PTPN5: variants seen among roughly 807,000 people sequenced by gnomAD.
The protein encoded by PTPN5 is protein tyrosine phosphatase non-receptor type 5, also known as tyrosine-protein phosphatase non-receptor type 5.
In PTPN5, 29 loss-of-function variants were observed where a neutral mutation model predicts 73.9. That is an observed-to-expected ratio of 0.39 (90% CI 0.29 to 0.54). The LOEUF (loss-of-function observed/expected upper bound fraction) is 0.54, where lower values mean the gene tolerates loss of function less well. Among genes scored for constraint, PTPN5 ranks in the 20% least tolerant of loss-of-function variants. The pLI is 0.65. For synonymous variants in PTPN5, 267 were observed against 304.7 expected, an observed-to-expected ratio of 0.88 and a Z score of 1.29; for missense variants, 652 against 751.4, an observed-to-expected ratio of 0.87 and a Z score of 1.55.
intron 3 of PTPN5, among the ~76,000 whole-genome samples, chr11:18,754,689 C>T (rs10832976): frequency 0.66 from 100,857 of 151,972 alleles, 34,233 homozygotes; most frequent in Middle Eastern, 0.86. Flanking sequence ...TTAGAAAATA[C>T]GAAGACCTCC....
chr11:18,749,387 C>T (rs755297282), intron 3 of PTPN5: 1 of 516,046 alleles, frequency 1.9e-6, no homozygotes, highest in South Asian at 1.4e-5. Flanking sequence ...AAACCCAGGG[C>T]TTTCCAGCAT....
intron 1 of PTPN5, among the ~76,000 whole-genome samples, chr11:18,788,844 C>T (rs1204824090): frequency 6.6e-6 from 1 of 152,194 alleles, no homozygotes; most frequent in Non-Finnish European, 1.5e-5. Context: ...CTTAATTTCC[C>T]TATCTGCAAA....
chr11:18,764,506 G>A (rs988027121), intron 3 of PTPN5, among the ~76,000 whole-genome samples: 3 of 152,262 alleles, frequency 2.0e-5, no homozygotes, highest in East Asian at 1.9e-4. Flanking sequence ...CAGGAGCTGG[G>A]GCACTGAGTG....
intron 1 of PTPN5, among the ~76,000 whole-genome samples, chr11:18,773,923 G>A (rs1285784942): frequency 6.6e-6 from 1 of 152,136 alleles, no homozygotes; most frequent in Non-Finnish European, 1.5e-5. Context: ...TCACCCCCGT[G>A]ACCATGAAGG....
rs189396906 is a variant in PTPN5, at chr11:18,785,355, G to A, written c.-114+6170C>T. Among the ~76,000 whole-genome samples the A allele has an allele frequency of 3.9e-4, 59 of 152,302 alleles. No homozygotes were observed. The East Asian group carries it at 0.011, about 28-fold the overall frequency. ...AAAGACATAGTTAAATAAAGCAGGG[G>A]TCAGCCAACCAAGTATAAACAGAGA... On this transcript the variant is annotated intron_variant, in intron 1 of 14. Transcript: ENST00000358540.
intron 9 of PTPN5, 90 bp downstream of exon 9, chr11:18,737,790 A>C: frequency 8.6e-7 from 1 of 1,157,340 alleles, no homozygotes. Context: ...TGTCACCCCT[A>C]GAGGCCCAGC....
At chr11:18,736,749 G>T (rs185757375) in intron 9 of PTPN5, among the ~76,000 whole-genome samples, 2 of 152,130 alleles carry the variant, frequency 1.3e-5, no homozygotes, top group African/African-American at 4.8e-5. Context: ...GGAATGCAGC[G>T]GGGACTGCAT....
rs1848953679 is a variant in PTPN5 at position 18,733,014 on chromosome 11, G to A, written c.1218+221C>T. 6.6e-6 allele frequency among the ~76,000 whole-genome samples: 1 copy of A among 152,174 alleles called. No homozygotes were observed. The highest frequency in any genetic ancestry group is 6.5e-5 in the Admixed American group (1 of 15,274). On this transcript the variant is annotated intron_variant, in intron 11 of 14. Transcript: ENST00000358540. The surrounding 1 kb of genome is among the most constrained non-coding windows in gnomAD (Gnocchi z 4.3). The stretch of plus-strand genomic sequence containing the variant: ...GAGGCAGCAGAGTGCTGTGTTTAAG[G>A]TCACGGGCACTGGAAGTGGAGAGGC...
chr11:18,773,134 C>T (rs1564924718), intron 1 of PTPN5, among the ~76,000 whole-genome samples: 7 of 147,904 alleles, frequency 4.7e-5, no homozygotes, highest in Admixed American at 3.3e-4. Flanking sequence ...GGGGGTGAAC[C>T]GCTCACTTGG....
chr11:18,764,343 C>T (rs1275115143), intron 3 of PTPN5, among the ~76,000 whole-genome samples: 1 of 152,206 alleles, frequency 6.6e-6, no homozygotes, highest in African/African-American at 2.4e-5. Context: ...GCAAGACAGC[C>T]ATTCAGATAT....
chr11:18,734,966 A>G (rs1021526405), intron 9 of PTPN5, among the ~76,000 whole-genome samples: 91 of 152,232 alleles, frequency 6.0e-4, no homozygotes, highest in Admixed American at 5.9e-3. Flanking sequence ...CTGACTTACT[A>G]GCAGTGTCAA....
chr11:18,733,391 A>G lies in PTPN5; in HGVS notation c.1081-19T>C. ...CATAGCCCTGCGGCCAGCCAAGTCC[A>G]GGCTGTCAGGGTCAGAGGCAGTGCT... On this transcript the variant is annotated intron_variant, in intron 10 of 14. Transcript: ENST00000358540. The surrounding 1 kb of genome is among the most constrained non-coding windows in gnomAD (Gnocchi z 4.3). 6.2e-7 allele frequency: 1 copy of G among 1,611,722 alleles called. No homozygotes were observed. The highest frequency in any genetic ancestry group is 8.5e-7 in the Non-Finnish European group (1 of 1,178,042).
intron 3 of PTPN5, among the ~76,000 whole-genome samples, chr11:18,753,759 G>A (rs1184856427): frequency 6.6e-6 from 1 of 152,208 alleles, no homozygotes; most frequent in African/African-American, 2.4e-5. Context: ...TAGGGGAGTA[G>A]AGACATCTGC....
intron 3 of PTPN5, among the ~76,000 whole-genome samples, chr11:18,755,381 G>A (rs962976166): frequency 8.5e-5 from 13 of 152,306 alleles, no homozygotes; most frequent in Non-Finnish European, 1.6e-4. Context: ...AGAAACTGTG[G>A]GGGATAAGGA....
At chr11:18,757,343 C>T (rs1159577962) in intron 3 of PTPN5, among the ~76,000 whole-genome samples, 1 of 152,226 alleles carries the variant, frequency 6.6e-6, no homozygotes, top group Non-Finnish European at 1.5e-5. Flanking sequence ...GGCAGACACA[C>T]TCAGCACTGT....
intron 3 of PTPN5, among the ~76,000 whole-genome samples, chr11:18,747,139 T>C (rs984878320): frequency 1.4e-4 from 18 of 126,988 alleles, no homozygotes; most frequent in African/African-American, 5.1e-4. Context: ...AACATGATCT[T>C]GGACTTGGCT....
intron 3 of PTPN5, among the ~76,000 whole-genome samples, chr11:18,756,816 C>T (rs948974800): frequency 1.3e-5 from 2 of 150,730 alleles, no homozygotes; most frequent in Non-Finnish European, 3.0e-5. Flanking sequence ...CCCAGCTACT[C>T]GGGAGGCTGA....
intron 2 of PTPN5, among the ~76,000 whole-genome samples, chr11:18,770,547 T>C (rs554567344): frequency 1.8e-4 from 28 of 152,368 alleles, no homozygotes; most frequent in African/African-American, 4.1e-4. Context: ...TATTCATCAG[T>C]TGAACATTTG....
At chr11:18,739,822 T>G (rs1222686375) in intron 8 of PTPN5, among the ~76,000 whole-genome samples, 1 of 152,184 alleles carries the variant, frequency 6.6e-6, no homozygotes, top group African/African-American at 2.4e-5. Flanking sequence ...CTCAGCCCCT[T>G]CCTTCCTCCT....
Sources: gnomAD v4.1 joint callset for allele counts (sites outside exome capture counted in the v4.1 genomes callset) on GRCh38, gnomAD v4.1.1 for gene constraint, Gnocchi (gnomAD v3.1) non-coding constraint, MANE v1.5 for transcripts, NCBI Gene and HGNC (gene_info 2026-07-23, HGNC 2026-07-21) for gene names.